The following CAMTA1 variants were observed in gnomAD, a reference collection of about 807,000 sequenced individuals.
The protein encoded by CAMTA1 is calmodulin binding transcription activator 1, also known as calmodulin-binding transcription activator 1.
Under a neutral mutation model 170.9 loss-of-function variants are expected in CAMTA1, and 27 were observed. That is an observed-to-expected ratio of 0.16 (90% CI 0.12 to 0.22). CAMTA1 has a LOEUF of 0.22. Ranked by LOEUF, CAMTA1 falls within the 10% of genes least tolerant of loss-of-function variation. CAMTA1 has a pLI of 1.00. For missense variants in CAMTA1, 1,619 were observed against 2,217.2 expected (o/e 0.73, Z 5.42); for synonymous variants, 833 against 891.5 (o/e 0.93, Z 1.17).
Position 7,348,438 on chromosome 1 carries a change from C to T in CAMTA1, c.438+98812C>T, listed in dbSNP as rs140123449. On this transcript the variant is annotated intron_variant, in intron 5 of 22. Transcript: ENST00000303635. ...ACCTTGGATTGATGGTCCTGGGGGT[C>T]GTGGGGCCCACTCGTGGTCCAGACA... 6.5e-3 allele frequency among the ~76,000 whole-genome samples: 994 copies of T among 152,252 alleles called. 8 individuals carry two copies. Among genetic ancestry groups the T allele is most frequent in the Non-Finnish European group, 8.9e-3 (603 of 68,018 alleles).
chr1:6,926,457 TTTCTTTCTTTC>T (rs1369521495), intron 3 of CAMTA1, among the ~76,000 whole-genome samples: 1 of 134,074 alleles, frequency 7.5e-6, no homozygotes, highest in Non-Finnish European at 1.5e-5. Flanking sequence ...TCTTTCTTTC[TTTCTTTCTTTC>T]TTTCTTTCTT....
At chr1:7,415,331 G>A (rs1428864283) in intron 5 of CAMTA1, among the ~76,000 whole-genome samples, 6 of 150,738 alleles carry the variant, frequency 4.0e-5, no homozygotes, top group Middle Eastern at 3.5e-3. Context: ...TTTCTGTCTC[G>A]TTGATCTTTC....
At position 7,435,531 on chromosome 1, in the gene CAMTA1, G is replaced by A. The variant is rs903174322; in HGVS notation, c.439-32299G>A. On this transcript the variant is annotated intron_variant, in intron 5 of 22. Coordinates refer to ENST00000303635, the MANE Select transcript of CAMTA1 (RefSeq NM_015215.4). This position sits in a 1 kb window ranked among gnomAD's most constrained non-coding sequence, Gnocchi z 4.4. Reference sequence around the variant, plus strand: ...CTCTGTTACCCTGAAGAGAGCAACCGGCAGTGGGCTCTTCAGGGTTCTCAG... The same window carrying A: ...CTCTGTTACCCTGAAGAGAGCAACCAGCAGTGGGCTCTTCAGGGTTCTCAG... 6.6e-6 allele frequency among the ~76,000 whole-genome samples: 1 copy of A among 152,194 alleles called. No homozygotes were observed. Among genetic ancestry groups the A allele is most frequent in the Admixed American group, 6.5e-5 (1 of 15,286 alleles).
chr1:6,797,041 A>G (rs928282170), intron 1 of CAMTA1, among the ~76,000 whole-genome samples: 1 of 152,202 alleles, frequency 6.6e-6, no homozygotes, highest in African/African-American at 2.4e-5. Context: ...TCAAGCTGCA[A>G]CCACTTTGAT....
intron 5 of CAMTA1, chr1:7,388,519 A>G (rs2088283731): frequency 1.3e-5 from 2 of 152,332 alleles, no homozygotes; most frequent in South Asian, 4.1e-4. Context: ...GACGTAGTTA[A>G]TAGCCCCTGT....
At chr1:6,842,065 C>A (rs1308461950) in intron 3 of CAMTA1, among the ~76,000 whole-genome samples, 1 of 152,200 alleles carries the variant, frequency 6.6e-6, no homozygotes, top group Non-Finnish European at 1.5e-5. Flanking sequence ...CCTCTCCTGC[C>A]CCCCAACCAC....
intron 6 of CAMTA1, among the ~76,000 whole-genome samples, chr1:7,507,665 C>T (rs542595369): frequency 7.2e-5 from 11 of 152,326 alleles, no homozygotes; most frequent in Admixed American, 3.3e-4. Context: ...CAAGCGCCAG[C>T]CCCCGAGCAG....
At chr1:6,828,737 T>C (rs1406630869) in intron 3 of CAMTA1, among the ~76,000 whole-genome samples, 1 of 152,048 alleles carries the variant, frequency 6.6e-6, no homozygotes, top group African/African-American at 2.4e-5. Flanking sequence ...TATTTTTTGG[T>C]CAAGAGAGCA....
intron 5 of CAMTA1, among the ~76,000 whole-genome samples, chr1:7,270,107 T>C (rs545923159): frequency 6.6e-6 from 1 of 151,694 alleles, no homozygotes; most frequent in African/African-American, 2.4e-5. Flanking sequence ...GAAGGTAAAA[T>C]AAAGACATTT....
chr1:6,817,128 T>C (rs910492593), intron 1 of CAMTA1, among the ~76,000 whole-genome samples: 8 of 152,200 alleles, frequency 5.3e-5, no homozygotes, highest in African/African-American at 1.7e-4. Flanking sequence ...ACTGATTTAC[T>C]TATTGTTAGA....
intron 4 of CAMTA1, among the ~76,000 whole-genome samples, chr1:7,214,215 A>G (rs936397539): frequency 3.9e-5 from 6 of 152,228 alleles, no homozygotes; most frequent in Non-Finnish European, 8.8e-5. Flanking sequence ...ACTAGTTTAC[A>G]GTCCCACCAA....
chr1:7,234,201 G>A lies in CAMTA1; in HGVS notation c.303-15290G>A, dbSNP rs1218567585. On this transcript the variant is annotated intron_variant, in intron 4 of 22. Coordinates refer to ENST00000303635, the MANE Select transcript of CAMTA1 (RefSeq NM_015215.4). The surrounding 1 kb of genome is among the most constrained non-coding windows in gnomAD (Gnocchi z 5.0). ...CCTGCCCCTGCCCTGTTCTTTGTCT[G>A]CCAGCCTCTGCCAAGCTTCCTCTCC... Among the ~76,000 whole-genome samples the A allele has an allele frequency of 6.6e-6, 1 of 152,108 alleles. No individual in the cohort carries two copies. The highest frequency in any genetic ancestry group is 1.5e-5 in the Non-Finnish European group (1 of 68,022).
chr1:6,962,845 T>A (rs1292249784), intron 3 of CAMTA1, among the ~76,000 whole-genome samples: 1 of 92,650 alleles, frequency 1.1e-5, no homozygotes, highest in African/African-American at 4.2e-5. Flanking sequence ...CCCACTCCCC[T>A]GCTTTCCATC....
chr1:6,939,193 T>C (rs1289253182), intron 3 of CAMTA1, among the ~76,000 whole-genome samples: 1 of 152,216 alleles, frequency 6.6e-6, no homozygotes, highest in African/African-American at 2.4e-5. Context: ...GTCAAGGAGA[T>C]GGACATGTCA....
chr1:6,791,299 C>T lies in CAMTA1; in HGVS notation c.45+5724C>T, dbSNP rs189351856. On this transcript the variant is annotated intron_variant, in intron 1 of 22. Transcript: ENST00000303635. ...TAGCCTTTTAGTAAGAAGGGGATGC[C>T]CACCATCCCTTTGTCCTGTAGCACA... Among the ~76,000 whole-genome samples the T allele has an allele frequency of 1.9e-3, 294 of 152,040 alleles. 1 individual carries two copies. Among genetic ancestry groups the T allele is most frequent in the African/African-American group, 6.6e-3 (275 of 41,448 alleles).
intron 4 of CAMTA1, among the ~76,000 whole-genome samples, chr1:7,138,679 CT>C (rs1475020294): frequency 6.6e-6 from 1 of 152,120 alleles, no homozygotes. Context: ...TCTAGCTCAC[CT>C]TTTTTTACTT....
chr1:7,492,537 G>A (rs1031430014), intron 6 of CAMTA1, among the ~76,000 whole-genome samples: 3 of 152,102 alleles, frequency 2.0e-5, no homozygotes, highest in African/African-American at 4.8e-5. Flanking sequence ...GCATAGCACT[G>A]TGAGGGCTTG....
At chr1:7,398,550 A>C (rs2089626820) in intron 5 of CAMTA1, among the ~76,000 whole-genome samples, 1 of 151,930 alleles carries the variant, frequency 6.6e-6, no homozygotes, top group South Asian at 2.1e-4. Flanking sequence ...GTGTTTTCTT[A>C]TCCATTCAGC....
intron 7 of CAMTA1, among the ~76,000 whole-genome samples, chr1:7,649,347 G>T (rs1441485665): frequency 2.6e-5 from 4 of 152,228 alleles, no homozygotes; most frequent in Non-Finnish European, 4.4e-5. Context: ...AGTCATGGGG[G>T]AGGCAGCGAT....
Sources: gnomAD v4.1 joint callset for allele counts (sites outside exome capture counted in the v4.1 genomes callset) on GRCh38, gnomAD v4.1.1 for gene constraint, Gnocchi (gnomAD v3.1) non-coding constraint, MANE v1.5 for transcripts, NCBI Gene and HGNC (gene_info 2026-07-23, HGNC 2026-07-21) for gene names.